The following SMOC2 variants were observed in gnomAD, a reference collection of about 807,000 sequenced individuals.
The protein encoded by SMOC2 is SPARC-related modular calcium-binding protein 2.
A neutral mutation model predicts 61.4 loss-of-function variants in SMOC2; 39 were observed. That is an observed-to-expected ratio of 0.64 (90% CI 0.49 to 0.83). The LOEUF is 0.83. Ranked by LOEUF, SMOC2 falls within the 40% of genes least tolerant of loss-of-function variation. The pLI, the probability that SMOC2 is intolerant of heterozygous loss-of-function variation, is 0.00. For missense variants in SMOC2, 556 were observed against 592.9 expected, an observed-to-expected ratio of 0.94 and a Z score of 0.65; for synonymous variants, 247 against 239.9, an observed-to-expected ratio of 1.03 and a Z score of -0.27.
intron 9 of SMOC2, among the ~76,000 whole-genome samples, chr6:168,615,156 C>CCTACAGCCAGCACAGGGGGCCTCTTTAT (rs1786036409): frequency 4.7e-5 from 1 of 21,316 alleles, no homozygotes; most frequent in Non-Finnish European, 8.8e-5. Flanking sequence ...GGCCTCTTCA[C>CCTACAGCCAGCACAGGGGGCCTCTTTAT]ACCTACAGCC....
intron 2 of SMOC2, among the ~76,000 whole-genome samples, chr6:168,518,453 ATGTG>A (rs34338952): frequency 6.7e-6 from 1 of 148,430 alleles, no homozygotes; most frequent in Non-Finnish European, 1.5e-5. Flanking sequence ...GAATGTGTGA[ATGTG>A]TGTATTCATG....
At chr6:168,615,187 C>T (rs1583162511) in intron 9 of SMOC2, among the ~76,000 whole-genome samples, 2 of 73,122 alleles carry the variant, frequency 2.7e-5, no homozygotes, top group Non-Finnish European at 5.3e-5. Flanking sequence ...CTCTTCACAC[C>T]TACAGCCAGC....
rs571984545 is a variant in SMOC2 at position 168,509,795 on chromosome 6, G to A, written c.85-120G>A. 1.3e-4 allele frequency: 113 copies of A among 868,072 alleles called. 1 individual carries two copies. The East Asian group carries it at 2.9e-3, about 22-fold the overall frequency. 53.8% of individuals were successfully genotyped at this position (868,072 alleles called of 1,614,324 possible). ...CTTCTGGCAGGGGTGAGAACCGGGT[G>A]GTGTTATCCCTCAAGCTTTCATTCC... On this transcript the variant is annotated intron_variant, in intron 1 of 12. Transcript: ENST00000356284.
At chr6:168,603,249 T>G (rs1204130319) in intron 8 of SMOC2, among the ~76,000 whole-genome samples, 1 of 142,980 alleles carries the variant, frequency 7.0e-6, no homozygotes, top group South Asian at 2.2e-4. Context: ...AACCTTTTTT[T>G]TTTTTTTTTT....
At chr6:168,532,689 A>G (rs1183191772) in intron 4 of SMOC2, among the ~76,000 whole-genome samples, 1 of 152,218 alleles carries the variant, frequency 6.6e-6, no homozygotes, top group Admixed American at 6.5e-5. Flanking sequence ...TACAATATTC[A>G]AAGAATCTTC....
intron 1 of SMOC2, among the ~76,000 whole-genome samples, chr6:168,490,171 GT>G: frequency 6.6e-6 from 1 of 150,724 alleles, no homozygotes; most frequent in African/African-American, 2.4e-5. Context: ...CAGTTTTAGA[GT>G]GAAATATATC....
At chr6:168,653,998 G>A (rs71573490) in intron 11 of SMOC2, among the ~76,000 whole-genome samples, 4 of 1,886 alleles carry the variant, frequency 2.1e-3, no homozygotes, top group Non-Finnish European at 1.2e-3. Flanking sequence ...GCTCCAACCA[G>A]ATGTTAGGAA....
At chr6:168,606,044 G>A (rs994297832) in intron 8 of SMOC2, among the ~76,000 whole-genome samples, 1 of 152,142 alleles carries the variant, frequency 6.6e-6, no homozygotes, top group Middle Eastern at 3.2e-3. Flanking sequence ...AGTGAAGATC[G>A]TTCAGCCCTC....
At chr6:168,466,008 G>T (rs1202482039) in intron 1 of SMOC2, among the ~76,000 whole-genome samples, 8 of 108,238 alleles carry the variant, frequency 7.4e-5, no homozygotes, top group African/African-American at 3.0e-4. Context: ...TCTGAGAGCT[G>T]GAACTGGGGG....
At chr6:168,598,305 C>T (rs1237727872) in intron 7 of SMOC2, among the ~76,000 whole-genome samples, 1 of 152,190 alleles carries the variant, frequency 6.6e-6, no homozygotes, top group African/African-American at 2.4e-5. Flanking sequence ...GGGGGATGGA[C>T]GATGAACCGC....
chr6:168,661,991 T>A (rs1787520278), intron 11 of SMOC2, among the ~76,000 whole-genome samples: 1 of 152,248 alleles, frequency 6.6e-6, no homozygotes, highest in Non-Finnish European at 1.5e-5. Context: ...GTTTTTCACC[T>A]TTTCATACTC....
intron 8 of SMOC2, among the ~76,000 whole-genome samples, chr6:168,600,617 G>C (rs1248672158): frequency 6.6e-6 from 1 of 152,138 alleles, no homozygotes; most frequent in Admixed American, 6.5e-5. Context: ...CCCAGTGCCA[G>C]GGTGGAAACG....
chr6:168,448,889 A>G (rs961538605), intron 1 of SMOC2, among the ~76,000 whole-genome samples: 2 of 152,142 alleles, frequency 1.3e-5, no homozygotes, highest in Non-Finnish European at 2.9e-5. Flanking sequence ...TATTACCTCA[A>G]TGGGGTCCCT....
At chr6:168,662,382 G>A (rs1359994856) in intron 11 of SMOC2, among the ~76,000 whole-genome samples, 3 of 152,214 alleles carry the variant, frequency 2.0e-5, no homozygotes, top group Non-Finnish European at 4.4e-5. Flanking sequence ...GCGAGTGAGT[G>A]GAGACTGGAG....
intron 4 of SMOC2, among the ~76,000 whole-genome samples, chr6:168,531,399 C>T (rs559318018): frequency 2.2e-4 from 33 of 152,302 alleles, no homozygotes; most frequent in South Asian, 1.2e-3. Flanking sequence ...AAAGCGGTAA[C>T]GCAGGCTGAA....
intron 9 of SMOC2, among the ~76,000 whole-genome samples, chr6:168,624,176 T>C (rs955072202): frequency 6.6e-6 from 1 of 152,236 alleles, no homozygotes; most frequent in Admixed American, 6.5e-5. Flanking sequence ...GTGCTTTCCC[T>C]ATATGAGTTC....
intron 7 of SMOC2, among the ~76,000 whole-genome samples, chr6:168,562,850 G>A (rs112044180): frequency 2.0e-5 from 3 of 152,266 alleles, no homozygotes; most frequent in South Asian, 2.1e-4. Context: ...CCTCCAGGCC[G>A]TATTTTCACG....
At chr6:168,618,131 A>G (rs2115226559) in intron 9 of SMOC2, among the ~76,000 whole-genome samples, 1 of 152,396 alleles carries the variant, frequency 6.6e-6, no homozygotes, top group East Asian at 1.9e-4. Context: ...CCCAGGGCCC[A>G]GTGCTCCAAC....
intron 1 of SMOC2, among the ~76,000 whole-genome samples, chr6:168,466,910 AG>A (rs1781846942): frequency 6.6e-6 from 1 of 152,160 alleles, no homozygotes; most frequent in Admixed American, 6.5e-5. Flanking sequence ...CTTTTGGAAA[AG>A]GGAGCTGTGT....
Sources: allele counts gnomAD v4.1 joint callset (sites outside exome capture counted in the v4.1 genomes callset), GRCh38; gene constraint gnomAD v4.1.1; transcripts MANE v1.5; gene names NCBI Gene and HGNC (gene_info 2026-07-23, HGNC 2026-07-21).